Variants in DIAPH3 observed in about 807,000 individuals in gnomAD.
DIAPH3 encodes diaphanous related formin 3.
In DIAPH3, 117 loss-of-function variants were observed where a neutral mutation model predicts 144.3. That is an observed-to-expected ratio of 0.81 (90% CI 0.70 to 0.95). DIAPH3 has a LOEUF of 0.95. Ranked by LOEUF, DIAPH3 falls within the 40% of genes least tolerant of loss-of-function variation. DIAPH3 has a pLI of 0.00. For synonymous variants in DIAPH3, 519 were observed against 488.9 expected (o/e 1.06, Z -0.81); for missense variants, 1,421 against 1,412.7 (o/e 1.01, Z -0.09).
At chr13:59,992,219 A>T in intron 10 of DIAPH3, 33 bp from the exon 11 acceptor site, 1 of 1,539,548 alleles carries the variant, frequency 6.5e-7, no homozygotes, top group African/African-American at 1.4e-5. Flanking sequence ...ATGATGAATG[A>T]TTTTGTTTTT....
At chr13:60,098,108 T>C (rs1360419725) in intron 3 of DIAPH3, among the ~76,000 whole-genome samples, 1 of 152,326 alleles carries the variant, frequency 6.6e-6, no homozygotes, top group South Asian at 2.1e-4. Context: ...TTATCATTTT[T>C]TATGTTTCTT....
chr13:59,903,982 C>G (rs2140192715), intron 20 of DIAPH3, among the ~76,000 whole-genome samples: 1 of 152,272 alleles, frequency 6.6e-6, no homozygotes, highest in Middle Eastern at 3.4e-3. Flanking sequence ...CACTTATATT[C>G]CAGTATAATA....
chr13:59,797,818 G>C (rs137878045), intron 25 of DIAPH3, among the ~76,000 whole-genome samples: 134 of 152,054 alleles, frequency 8.8e-4, no homozygotes, highest in African/African-American at 3.0e-3. Context: ...AGCTAAACAT[G>C]GTTTATTTTC....
At chr13:59,749,468 C>G (rs1184020896) in intron 27 of DIAPH3, among the ~76,000 whole-genome samples, 1 of 127,472 alleles carries the variant, frequency 7.8e-6, no homozygotes, top group Non-Finnish European at 1.6e-5. Context: ...TGCAGTGAGC[C>G]GAGATTGTGC....
rs755231526 is a variant in DIAPH3, at chr13:59,983,817, C to T, written c.1432G>A (p.Asp478Asn). ...TCTAGTCTTTTTCGATATGTGAAGT[C>T]TGGATCCATTCCATCTCTATGCAAT... ...IVLHRDGMDPDFTYRKRLDLD... is the reference protein window; with the variant it reads ...IVLHRDGMDPNFTYRKRLDLD... Residue 478 changes from aspartate to asparagine, a missense_variant, in exon 13 of 28, where the codon GAC becomes AAC. Transcript: ENST00000400324. 10 of 1,609,994 alleles carry T rather than the reference C, an allele frequency of 6.2e-6. No individual in the cohort carries two copies. The highest frequency in any genetic ancestry group is 7.6e-6 in the Non-Finnish European group (9 of 1,177,368).
chr13:59,995,321 A>C (rs969140571), intron 9 of DIAPH3, among the ~76,000 whole-genome samples: 5 of 151,874 alleles, frequency 3.3e-5, no homozygotes, highest in African/African-American at 1.2e-4. Context: ...ATGTTCCAAA[A>C]ATGTAGCATA....
intron 25 of DIAPH3, among the ~76,000 whole-genome samples, chr13:59,789,282 G>C (rs341562): frequency 0.66 from 100,662 of 152,088 alleles, 33,733 homozygotes; most frequent in East Asian, 0.72. Context: ...ACATGGCACA[G>C]CACCTCCACT....
chr13:60,137,522 A>C (rs1185863260), intron 1 of DIAPH3, among the ~76,000 whole-genome samples: 2 of 152,178 alleles, frequency 1.3e-5, no homozygotes, highest in East Asian at 3.9e-4. Context: ...CTGTAGCCCA[A>C]GACTTTTCGC....
chr13:59,844,277 T>A (rs2042504610), intron 22 of DIAPH3, among the ~76,000 whole-genome samples: 1 of 151,764 alleles, frequency 6.6e-6, no homozygotes, highest in African/African-American at 2.4e-5. Flanking sequence ...CTTAACTATA[T>A]CCAGATCACG....
intron 4 of DIAPH3, among the ~76,000 whole-genome samples, chr13:60,070,440 G>C (rs148776612): frequency 1.9e-3 from 284 of 151,080 alleles, no homozygotes; most frequent in African/African-American, 6.3e-3. Context: ...ACAGTTTTAG[G>C]GTTTAAAAAA....
At chr13:60,071,741 T>C (rs1187059286) in intron 4 of DIAPH3, among the ~76,000 whole-genome samples, 2 of 152,164 alleles carry the variant, frequency 1.3e-5, no homozygotes, top group Non-Finnish European at 2.9e-5. Context: ...GGAAACAAGT[T>C]TTCTTCTATC....
At chr13:59,745,546 G>A (rs1044673417) in intron 27 of DIAPH3, among the ~76,000 whole-genome samples, 3 of 152,174 alleles carry the variant, frequency 2.0e-5, no homozygotes, top group African/African-American at 7.2e-5. Context: ...GCAAGCCAAT[G>A]GTTGCCAGTT....
intron 25 of DIAPH3, among the ~76,000 whole-genome samples, chr13:59,809,385 C>T (rs2040354083): frequency 6.6e-6 from 1 of 151,912 alleles, no homozygotes; most frequent in Admixed American, 6.6e-5. Context: ...CCTGTAATCC[C>T]AGCCACTCGG....
intron 27 of DIAPH3, among the ~76,000 whole-genome samples, chr13:59,690,521 C>T (rs1226353274): frequency 6.6e-6 from 1 of 152,078 alleles, no homozygotes; most frequent in East Asian, 1.9e-4. Context: ...ACATTTGTAA[C>T]AGTGTTGTTT....
intron 1 of DIAPH3, among the ~76,000 whole-genome samples, chr13:60,157,947 C>A (rs919655432): frequency 2.0e-5 from 3 of 152,182 alleles, no homozygotes; most frequent in Admixed American, 2.0e-4. Flanking sequence ...CTTCTCCTCT[C>A]CAGGATTTTC....
At chr13:60,008,952 G>A (rs2053059948) in intron 8 of DIAPH3, among the ~76,000 whole-genome samples, 3 of 152,100 alleles carry the variant, frequency 2.0e-5, no homozygotes. Flanking sequence ...ATTGTTTGAG[G>A]TAGGTACTAT....
At chr13:59,690,102 T>C (rs191456264) in intron 27 of DIAPH3, among the ~76,000 whole-genome samples, 1 of 152,148 alleles carries the variant, frequency 6.6e-6, no homozygotes, top group East Asian at 1.9e-4. Context: ...TTCCAGGTGA[T>C]GGGGTTGGGC....
intron 17 of DIAPH3, among the ~76,000 whole-genome samples, chr13:59,968,275 A>G (rs908926129): frequency 6.6e-6 from 1 of 152,168 alleles, no homozygotes; most frequent in African/African-American, 2.4e-5. Flanking sequence ...GAGTAAGGAG[A>G]AAAAGAGAGT....
At chr13:59,983,461 A>C (rs1202139793) in intron 13 of DIAPH3, among the ~76,000 whole-genome samples, 1 of 151,566 alleles carries the variant, frequency 6.6e-6, no homozygotes, top group South Asian at 2.1e-4. Context: ...AGGCATTCTT[A>C]AGTAAAAAAT....
Sources: gnomAD v4.1 joint callset for allele counts (sites outside exome capture counted in the v4.1 genomes callset) on GRCh38, gnomAD v4.1.1 for gene constraint, MANE v1.5 for transcripts, NCBI Gene and HGNC (gene_info 2026-07-23, HGNC 2026-07-21) for gene names.